Variants in KLHL2 observed in about 807,000 individuals in gnomAD.
KLHL2 encodes the protein kelch like family member 2, also known as kelch-like protein 2.
Under a neutral mutation model 75.8 loss-of-function variants are expected in KLHL2, and 15 were observed. The ratio of observed to expected loss-of-function variants is 0.20; its 90% CI spans 0.13 to 0.30. The LOEUF (loss-of-function observed/expected upper bound fraction) is 0.30. Among genes scored for constraint, KLHL2 ranks in the 10% least tolerant of loss-of-function variants. The pLI is 1.00. For synonymous variants in KLHL2, 214 were observed against 251.9 expected (o/e 0.85, Z 1.42); for missense variants, 381 against 741.0 (o/e 0.51, Z 5.64).
chr4:165,277,744 TAA>T (rs367861380), intron 5 of KLHL2: 60 of 494,450 alleles, frequency 1.2e-4, no homozygotes, highest in Middle Eastern at 5.4e-4. Context: ...CTGTGGATGT[TAA>T]AAACACACAC....
chr4:165,258,805 T>C (rs1450135540), intron 4 of KLHL2, among the ~76,000 whole-genome samples: 1 of 152,224 alleles, frequency 6.6e-6, no homozygotes, highest in East Asian at 1.9e-4. Context: ...TCATTTTCAG[T>C]GATATGTAAA....
chr4:165,305,773 A>G (rs1330103180), intron 9 of KLHL2, 48 bp downstream of exon 9: 10 of 1,270,970 alleles, frequency 7.9e-6, no homozygotes, highest in Non-Finnish European at 1.1e-5. Flanking sequence ...GGTCATTGGG[A>G]GCTTCTTTTT....
At chr4:165,260,358 T>C in intron 4 of KLHL2, among the ~76,000 whole-genome samples, 1 of 152,206 alleles carries the variant, frequency 6.6e-6, no homozygotes, top group East Asian at 1.9e-4. Context: ...TCAAAAAAAA[T>C]TATATGTGAA....
chr4:165,263,893 T>C (rs1310722598), intron 5 of KLHL2, among the ~76,000 whole-genome samples: 2 of 150,026 alleles, frequency 1.3e-5, no homozygotes, highest in Non-Finnish European at 3.0e-5. Context: ...TAGATACATT[T>C]GGTGGAGTAG....
At chr4:165,313,018 C>T (rs530047395) in intron 11 of KLHL2, among the ~76,000 whole-genome samples, 1 of 152,246 alleles carries the variant, frequency 6.6e-6, no homozygotes, top group African/African-American at 2.4e-5. Context: ...AAATTAACAT[C>T]ATCAGCTATA....
intron 5 of KLHL2, among the ~76,000 whole-genome samples, chr4:165,277,034 A>G (rs1033792962): frequency 6.6e-6 from 1 of 152,188 alleles, no homozygotes; most frequent in Non-Finnish European, 1.5e-5. Flanking sequence ...TAAAACATAA[A>G]TTTTAAATGT....
intron 9 of KLHL2, among the ~76,000 whole-genome samples, chr4:165,308,185 C>T (rs1390463885): frequency 6.6e-6 from 1 of 152,124 alleles, no homozygotes; most frequent in East Asian, 1.9e-4. Context: ...CAATGGTCCT[C>T]TGTGTTTCTT....
intron 5 of KLHL2, among the ~76,000 whole-genome samples, chr4:165,276,935 CT>C (rs36116303): frequency 6.6e-6 from 1 of 151,996 alleles, no homozygotes; most frequent in East Asian, 1.9e-4. Context: ...ACAGTTTCTT[CT>C]TTTTTTAGGC....
chr4:165,287,330 T>G (rs1744167752), intron 5 of KLHL2, among the ~76,000 whole-genome samples: 1 of 152,238 alleles, frequency 6.6e-6, no homozygotes, highest in African/African-American at 2.4e-5. Flanking sequence ...TGACAGGATT[T>G]CCTTCCTTTT....
intron 14 of KLHL2, among the ~76,000 whole-genome samples, chr4:165,320,953 CAATG>C (rs1319774979): frequency 2.6e-5 from 4 of 152,052 alleles, no homozygotes; most frequent in Non-Finnish European, 4.4e-5. Context: ...CACTGCCAGA[CAATG>C]AAGAAGATGT....
intron 4 of KLHL2, among the ~76,000 whole-genome samples, chr4:165,248,281 G>A (rs766580391): frequency 3.9e-5 from 6 of 152,144 alleles, no homozygotes; most frequent in Admixed American, 6.5e-5. Flanking sequence ...TGGAGAGAAT[G>A]GTGATTTAGG....
At chr4:165,279,281 G>A (rs779196576) in intron 5 of KLHL2, 1 of 1,537,630 alleles carries the variant, frequency 6.5e-7, no homozygotes. Context: ...ACTCTCAACG[G>A]TAGACTGTGT....
chr4:165,272,323 C>T (rs1359896566), intron 5 of KLHL2, among the ~76,000 whole-genome samples: 1 of 152,038 alleles, frequency 6.6e-6, no homozygotes, highest in African/African-American at 2.4e-5. Flanking sequence ...TTATGAAAAA[C>T]CAAAGACAAA....
At chr4:165,253,971 G>A (rs17585550) in intron 4 of KLHL2, among the ~76,000 whole-genome samples, 32,519 of 152,184 alleles carry the variant, frequency 0.21, 3,972 homozygotes, top group Non-Finnish European at 0.29. Flanking sequence ...TCCAGATCCA[G>A]TGCTGCAAGC....
At chr4:165,299,393 C>T (rs1745179244) in intron 7 of KLHL2, 114 bp from the exon 8 acceptor site, 2 of 885,984 alleles carry the variant, frequency 2.3e-6, no homozygotes, top group Admixed American at 3.2e-5. Flanking sequence ...TATTTTTAGA[C>T]TAAACTAAAG....
At chr4:165,261,630 C>T (rs1156391878) in intron 4 of KLHL2, among the ~76,000 whole-genome samples, 10 of 152,288 alleles carry the variant, frequency 6.6e-5, no homozygotes, top group Admixed American at 2.6e-4. Flanking sequence ...TGAGCCACCA[C>T]GCCTGACCTA....
intron 4 of KLHL2, among the ~76,000 whole-genome samples, chr4:165,260,572 GT>G (rs1421252551): frequency 6.7e-6 from 1 of 150,064 alleles, no homozygotes; most frequent in African/African-American, 2.4e-5. Flanking sequence ...ATATATGTGT[GT>G]GTGTGGGGGG....
chr4:165,292,273 A>T (rs867576789), intron 5 of KLHL2, among the ~76,000 whole-genome samples: 35 of 152,292 alleles, frequency 2.3e-4, no homozygotes, highest in African/African-American at 7.9e-4. Context: ...AGTTTCAAAA[A>T]ATTTTGTAAA....
At chr4:165,264,752 A>ATATATATATATATATATATATATATG (rs1560784279) in intron 5 of KLHL2, among the ~76,000 whole-genome samples, 3 of 83,630 alleles carry the variant, frequency 3.6e-5, no homozygotes, top group Non-Finnish European at 7.1e-5. Flanking sequence ...ATATATATAT[A>ATATATATATATATATATATATATATG]TATATATATA....
Sources: allele counts gnomAD v4.1 joint callset (sites outside exome capture counted in the v4.1 genomes callset), GRCh38; gene constraint gnomAD v4.1.1; transcripts MANE v1.5; gene names NCBI Gene and HGNC (gene_info 2026-07-23, HGNC 2026-07-21).